The following PPP2R2A variants were observed in gnomAD, a reference collection of about 807,000 sequenced individuals.
PPP2R2A encodes the protein protein phosphatase 2 regulatory subunit Balpha, also known as serine/threonine-protein phosphatase 2A 55 kDa regulatory subunit B alpha isoform.
A neutral mutation model predicts 53.2 loss-of-function variants in PPP2R2A; 9 were observed. The observed-to-expected ratio is 0.17, with a 90% CI of 0.10 to 0.30. PPP2R2A has a LOEUF of 0.30. Ranked by LOEUF, PPP2R2A falls within the 10% of genes least tolerant of loss-of-function variation. The pLI, the probability that PPP2R2A is intolerant of heterozygous loss-of-function variation, is 1.00. For synonymous variants in PPP2R2A, 169 were observed against 174.2 expected (o/e 0.97, Z 0.23); for missense variants, 235 against 534.6 (o/e 0.44, Z 5.53).
intron 2 of PPP2R2A, among the ~76,000 whole-genome samples, chr8:26,331,073 G>A (rs569716258): frequency 3.9e-5 from 6 of 152,208 alleles, no homozygotes; most frequent in Admixed American, 2.6e-4. Flanking sequence ...TCAGTATTCA[G>A]CCAAAGATTC....
Position 26,315,445 on chromosome 8 carries a change from A to G in PPP2R2A, c.82+21705A>G, listed in dbSNP as rs752227334. Among the ~76,000 whole-genome samples the G allele has an allele frequency of 5.9e-5, 9 of 152,190 alleles. No homozygotes were observed. In the East Asian group the frequency reaches 1.7e-3, roughly 29 times the overall value. On this transcript the variant is annotated intron_variant, in intron 2 of 9. Transcript: ENST00000380737. ...ATCACCGAGCAACTCATGGATTACT[A>G]TGCAGCCTTTCATTTAATCTTGTTT...
At chr8:26,351,755 G>C (rs1300374083) in intron 3 of PPP2R2A, among the ~76,000 whole-genome samples, 2 of 152,170 alleles carry the variant, frequency 1.3e-5, no homozygotes, top group South Asian at 2.1e-4. Flanking sequence ...TGGGCCATCT[G>C]TTCTGTTTCA....
At position 26,293,450 on chromosome 8, in the gene PPP2R2A, C is replaced by CT. The variant is rs1801400260; in HGVS notation, c.8-213dup. The CT allele has an allele frequency of 4.3e-6, 3 of 698,304 alleles. No homozygotes were observed. The East Asian group carries it at 8.3e-5, about 19-fold the overall frequency. The allele number at this position is 698,304 out of a possible 1,614,324, so 43.3% of individuals were successfully genotyped here. A position where few individuals can be genotyped will look rare whatever the true frequency, so the allele number is the denominator to read the frequency against. On this transcript the variant is annotated intron_variant, in intron 1 of 9. Coordinates refer to ENST00000380737, the MANE Select transcript of PPP2R2A (RefSeq NM_002717.4). ...TGTTTAATGACCACAGAACATGTGC[C>CT]TTTAAATATTTCGTACCTGGAATCT...
At chr8:26,346,606 A>C (rs1011890843) in intron 3 of PPP2R2A, among the ~76,000 whole-genome samples, 2 of 152,294 alleles carry the variant, frequency 1.3e-5, no homozygotes, top group Non-Finnish European at 2.9e-5. Context: ...TCCTTCTTAC[A>C]GTTGAGTTGT....
At position 26,366,103 on chromosome 8, in the gene PPP2R2A, T is replaced by G. The variant is rs1805360961; in HGVS notation, c.973-212T>G. The G allele has an allele frequency of 6.6e-6, 3 of 452,314 alleles. No homozygotes were observed. In the South Asian group the frequency reaches 1.1e-4, roughly 17 times the overall value. The allele number at this position is 452,314 out of a possible 1,614,324, so 28.0% of individuals were successfully genotyped here. A position where few individuals can be genotyped will look rare whatever the true frequency, so the allele number is the denominator to read the frequency against. On this transcript the variant is annotated intron_variant, in intron 8 of 9. Transcript: ENST00000380737. ...GCCATGCCCAGAATGGAGTTTTCCT[T>G]TGTCATACCAGTAGGAAAATGTACC...
At chr8:26,292,572 AAGG>A (rs1179910791) in intron 1 of PPP2R2A, 7 of 512,676 alleles carry the variant, frequency 1.4e-5, no homozygotes, top group Non-Finnish European at 1.8e-5. Context: ...TATAAATAGC[AAGG>A]AGGAGAGAGA....
chr8:26,335,434 G>A (rs770965025), intron 2 of PPP2R2A, among the ~76,000 whole-genome samples: 9 of 152,102 alleles, frequency 5.9e-5, no homozygotes, highest in Non-Finnish European at 1.2e-4. Flanking sequence ...TTAGAAACCA[G>A]GAAAATAGTT....
rs1290954349 is a variant in PPP2R2A at position 26,362,869 on chromosome 8, C to T, written c.802+21C>T. On this transcript the variant is annotated intron_variant, in intron 7 of 9. Coordinates refer to ENST00000380737, the MANE Select transcript of PPP2R2A (RefSeq NM_002717.4). This position sits in a 1 kb window ranked among gnomAD's most constrained non-coding sequence, Gnocchi z 4.4. ...TAAATGTAAGTTTATTGTATCTTTC[C>T]TTAAAATGATTACATATTCTGTTTG... 6.2e-7 allele frequency: 1 copy of T among 1,600,360 alleles called. No homozygotes were observed. Among genetic ancestry groups the T allele is most frequent in the African/African-American group, 1.3e-5 (1 of 74,590 alleles).
At chr8:26,368,137 G>C (rs1805474901) in intron 9 of PPP2R2A, among the ~76,000 whole-genome samples, 1 of 152,116 alleles carries the variant, frequency 6.6e-6, no homozygotes, top group Non-Finnish European at 1.5e-5. Flanking sequence ...AGATGATATG[G>C]GGATGTCAAT....
At chr8:26,292,229 C>G (rs1801333977) in intron 1 of PPP2R2A, 3 of 1,053,928 alleles carry the variant, frequency 2.8e-6, no homozygotes, top group Non-Finnish European at 1.1e-6. Context: ...CTATTTTTCC[C>G]CCTGCTGCAA....
intron 2 of PPP2R2A, among the ~76,000 whole-genome samples, chr8:26,335,289 T>C (rs574721689): frequency 6.6e-6 from 1 of 152,294 alleles, no homozygotes; most frequent in South Asian, 2.1e-4. Flanking sequence ...TTTCACAACT[T>C]AGAAGAGCTT....
chr8:26,297,030 A>C (rs1439111192), intron 2 of PPP2R2A, among the ~76,000 whole-genome samples: 1 of 149,982 alleles, frequency 6.7e-6, no homozygotes, highest in Non-Finnish European at 1.5e-5. Flanking sequence ...TGGAATAACA[A>C]GAGTGGATTA....
At chr8:26,324,971 C>G (rs1051328775) in intron 2 of PPP2R2A, among the ~76,000 whole-genome samples, 2 of 150,360 alleles carry the variant, frequency 1.3e-5, no homozygotes, top group African/African-American at 4.9e-5. Context: ...TTTGGAATGG[C>G]TATATTTACT....
intron 9 of PPP2R2A, among the ~76,000 whole-genome samples, chr8:26,366,844 C>T (rs1805404438): frequency 6.6e-6 from 1 of 152,028 alleles, no homozygotes; most frequent in Non-Finnish European, 1.5e-5. Flanking sequence ...TGATGTTAAC[C>T]ATAATATATA....
At chr8:26,330,170 A>G (rs934668048) in intron 2 of PPP2R2A, among the ~76,000 whole-genome samples, 2 of 151,844 alleles carry the variant, frequency 1.3e-5, no homozygotes, top group African/African-American at 4.8e-5. Flanking sequence ...ACTTCTTGAT[A>G]TTTTCCACTA....
intron 2 of PPP2R2A, among the ~76,000 whole-genome samples, chr8:26,331,731 G>A (rs982923269): frequency 6.6e-6 from 1 of 152,172 alleles, no homozygotes; most frequent in African/African-American, 2.4e-5. Flanking sequence ...TTACACAAAT[G>A]CAGCCCTTTG....
In PPP2R2A at chr8:26,338,286, A is replaced by T. The variant is rs1803770285; in HGVS notation, c.83-604A>T. ...GCACTGAGCTGGTAGAATCCATGTG[A>T]CGTGACTGATTCTAGTGGTCCTGCA... On this transcript the variant is annotated intron_variant, in intron 2 of 9. Coordinates refer to ENST00000380737, the MANE Select transcript of PPP2R2A (RefSeq NM_002717.4). This position sits in a 1 kb window ranked among gnomAD's most constrained non-coding sequence, Gnocchi z 4.5. Among the ~76,000 whole-genome samples, 1 of 152,222 alleles carries T rather than the reference A, an allele frequency of 6.6e-6. No homozygotes were observed. Among genetic ancestry groups the T allele is most frequent in the Admixed American group, 6.5e-5 (1 of 15,282 alleles).
At position 26,370,826 on chromosome 8, in the gene PPP2R2A, C is replaced by G. The variant is rs867628005; in HGVS notation, c.*413C>G. The stretch of plus-strand genomic sequence containing the variant: ...CATTTGTGGGGTACACCCCTTCCCC[C>G]TTTTTTTAAATTAAATACAGCTCAT... On this transcript the variant is annotated 3_prime_UTR_variant, in exon 10 of 10. Coordinates refer to ENST00000380737, the MANE Select transcript of PPP2R2A (RefSeq NM_002717.4). The surrounding 1 kb of genome is among the most constrained non-coding windows in gnomAD (Gnocchi z 6.1). 17 of 180,130 alleles carry G rather than the reference C, an allele frequency of 9.4e-5. No homozygotes were observed. Among genetic ancestry groups the G allele is most frequent in the African/African-American group, 4.0e-4 (17 of 42,208 alleles). 11.2% of individuals were successfully genotyped at this position (180,130 alleles called of 1,614,324 possible). A position where few individuals can be genotyped will look rare whatever the true frequency, so the allele number is the denominator to read the frequency against.
intron 2 of PPP2R2A, among the ~76,000 whole-genome samples, chr8:26,330,438 C>T (rs771339233): frequency 1.3e-4 from 20 of 151,844 alleles, no homozygotes; most frequent in Non-Finnish European, 2.4e-4. Flanking sequence ...AGCAATCCTC[C>T]CACCTCGGCC....
Sources: allele counts gnomAD v4.1 joint callset (sites outside exome capture counted in the v4.1 genomes callset), GRCh38; gene constraint gnomAD v4.1.1; non-coding constraint Gnocchi (gnomAD v3.1); transcripts MANE v1.5; gene names NCBI Gene and HGNC (gene_info 2026-07-23, HGNC 2026-07-21).